CDK17: variants seen among roughly 807,000 people sequenced by gnomAD.
CDK17 encodes cyclin-dependent kinase 17.
CDK17 carries 24 observed loss-of-function variants against 77.6 expected under a neutral mutation model. The ratio of observed to expected loss-of-function variants is 0.31; its 90% CI spans 0.22 to 0.44. The LOEUF is 0.44. Ranked by LOEUF, CDK17 falls within the 20% of genes least tolerant of loss-of-function variation. CDK17 has a pLI of 1.00. For missense variants in CDK17, 429 were observed against 622.5 expected, an observed-to-expected ratio of 0.69 and a Z score of 3.31; for synonymous variants, 203 against 210.4, an observed-to-expected ratio of 0.96 and a Z score of 0.30.
chr12:96,347,622 G>T (rs1031527356), intron 1 of CDK17, among the ~76,000 whole-genome samples: 1 of 28,458 alleles, frequency 3.5e-5, no homozygotes, highest in African/African-American at 1.1e-4. Flanking sequence ...GGAAGGGAGG[G>T]GAAGGGAGGG....
chr12:96,309,132 T>C (rs1952615183), intron 5 of CDK17, among the ~76,000 whole-genome samples: 1 of 152,216 alleles, frequency 6.6e-6, no homozygotes, highest in Non-Finnish European at 1.5e-5. Context: ...TCATTCTGGA[T>C]CTGTCCTGTC....
At chr12:96,315,878 G>A (rs1241279875) in intron 3 of CDK17, among the ~76,000 whole-genome samples, 1 of 152,118 alleles carries the variant, frequency 6.6e-6, no homozygotes, top group Non-Finnish European at 1.5e-5. Flanking sequence ...CCTTCCCACA[G>A]AAAGGCTCAA....
In CDK17 at chr12:96,280,042, C is replaced by T. The variant is rs555799252; in HGVS notation, c.*200G>A. On this transcript the variant is annotated 3_prime_UTR_variant, in exon 17 of 17. Transcript: ENST00000261211. The stretch of plus-strand genomic sequence containing the variant: ...CTAATGGCAGAGAAGACCTTAAAAC[C>T]GACTGTACAAAAAATTGTCACACTG... 4.1e-5 allele frequency: 21 copies of T among 508,096 alleles called. No homozygotes were observed. The highest frequency in any genetic ancestry group is 6.1e-5 in the Non-Finnish European group (18 of 295,906). 31.5% of individuals were successfully genotyped at this position (508,096 alleles called of 1,614,324 possible). A position where few individuals can be genotyped will look rare whatever the true frequency, so the allele number is the denominator to read the frequency against.
At chr12:96,356,960 T>C (rs1021846298) in intron 1 of CDK17, among the ~76,000 whole-genome samples, 1 of 152,228 alleles carries the variant, frequency 6.6e-6, no homozygotes, top group African/African-American at 2.4e-5. Context: ...GATTTGCAGA[T>C]GATAAATCCC....
At chr12:96,379,746 A>C (rs138452010) in intron 1 of CDK17, among the ~76,000 whole-genome samples, 1 of 152,314 alleles carries the variant, frequency 6.6e-6, no homozygotes, top group African/African-American at 2.4e-5. Flanking sequence ...TCTACTATTT[A>C]TATCTCTTAT....
chr12:96,371,706 T>C (rs752671486), intron 1 of CDK17, among the ~76,000 whole-genome samples: 23 of 152,168 alleles, frequency 1.5e-4, no homozygotes, highest in Admixed American at 3.3e-4. Context: ...CACTCCAGCC[T>C]AGGCAACAAG....
Position 96,289,252 on chromosome 12 carries a change from A to G in CDK17, c.1033T>C (p.Tyr345His). Reference protein sequence around the residue: ...ARAKSVPTKTYSNEVVTLWYR... With the variant: ...ARAKSVPTKTHSNEVVTLWYR... ...CATAGTGTGACAACTTCATTTGAGT[A>G]GGTCTTTGTGGGAACTGACTTGGCT... Residue 345 changes from tyrosine (Y) to histidine (H), a missense_variant, in exon 11 of 17, where the codon TAC (tyrosine) becomes CAC (histidine). Around this residue, in one of 4 missense-constraint regions of CDK17, gnomAD observed 51 missense variants for 96.5 expected, o/e 0.53. Transcript: ENST00000261211. The G allele has an allele frequency of 6.2e-7, 1 of 1,613,916 alleles. No homozygotes were observed. Among genetic ancestry groups the G allele is most frequent in the Non-Finnish European group, 8.5e-7 (1 of 1,179,806 alleles).
At chr12:96,356,998 C>T (rs978018537) in intron 1 of CDK17, among the ~76,000 whole-genome samples, 3 of 152,132 alleles carry the variant, frequency 2.0e-5, no homozygotes, top group Non-Finnish European at 4.4e-5. Flanking sequence ...TTTTAAACAG[C>T]TGTTCAGTTT....
chr12:96,334,785 T>TCA lies in CDK17; in HGVS notation c.51_52insTG (p.Ile18Ter). 6.2e-7 allele frequency: 1 copy of TCA among 1,612,194 alleles called. No individual in the cohort carries two copies. Among genetic ancestry groups the TCA allele is most frequent in the Non-Finnish European group, 8.5e-7 (1 of 1,178,430 alleles). ...GCCAATTCAGACAATGATTCATCAA[T>TCA]AGTCTGACTTCCTCGGAGTGTGAGG... On this transcript the variant is annotated frameshift_variant, in exon 2 of 17. Coordinates refer to ENST00000261211, the MANE Select transcript of CDK17 (RefSeq NM_002595.5). LOFTEE classifies it high-confidence loss of function.
intron 10 of CDK17, among the ~76,000 whole-genome samples, chr12:96,289,752 A>C (rs564815543): frequency 6.6e-6 from 1 of 152,328 alleles, no homozygotes. Flanking sequence ...AAAAACTGTA[A>C]AGTTATTGGT....
At chr12:96,357,535 G>C (rs1192371218) in intron 1 of CDK17, among the ~76,000 whole-genome samples, 3 of 152,178 alleles carry the variant, frequency 2.0e-5, no homozygotes, top group South Asian at 2.1e-4. Flanking sequence ...TCTCGGTCGT[G>C]AGTGTGCATA....
At chr12:96,306,746 A>C (rs552286003) in intron 5 of CDK17, among the ~76,000 whole-genome samples, 32 of 152,318 alleles carry the variant, frequency 2.1e-4, no homozygotes, top group African/African-American at 7.2e-4. Flanking sequence ...ATTCTAATAC[A>C]TATAAAAAAA....
intron 6 of CDK17, among the ~76,000 whole-genome samples, chr12:96,299,237 ACT>A (rs1175934670): frequency 2.0e-5 from 3 of 152,206 alleles, no homozygotes; most frequent in Non-Finnish European, 2.9e-5. Context: ...CAGAATATTT[ACT>A]TTTTGTACCT....
At chr12:96,284,966 T>C (rs186142460) in intron 13 of CDK17, among the ~76,000 whole-genome samples, 3 of 152,300 alleles carry the variant, frequency 2.0e-5, no homozygotes, top group Non-Finnish European at 2.9e-5. Flanking sequence ...GGTAACGTTT[T>C]TTTCCAAGTG....
rs372707267 is a variant in CDK17 at position 96,279,197 on chromosome 12, C to G, written c.*1045G>C. ...TAGTATCTCTGGTAAACAGATAATA[C>G]CCACAATAATTTCAAGCAATCCTGT... On this transcript the variant is annotated 3_prime_UTR_variant, in exon 17 of 17. Coordinates refer to ENST00000261211, the MANE Select transcript of CDK17 (RefSeq NM_002595.5). 1 of 152,034 alleles carries G rather than the reference C, an allele frequency of 6.6e-6. No homozygotes were observed. Among genetic ancestry groups the G allele is most frequent in the Non-Finnish European group, 1.5e-5 (1 of 67,970 alleles). 9.4% of individuals were successfully genotyped at this position (152,034 alleles called of 1,614,324 possible).
intron 5 of CDK17, among the ~76,000 whole-genome samples, chr12:96,304,546 A>AAC (rs1952552512): frequency 1.3e-5 from 2 of 151,536 alleles, no homozygotes; most frequent in African/African-American, 4.9e-5. Context: ...AAAAAACAAC[A>AAC]AAAAAGAAAC....
chr12:96,383,280 A>G (rs1383820763), intron 1 of CDK17, among the ~76,000 whole-genome samples: 2 of 152,144 alleles, frequency 1.3e-5, no homozygotes, highest in South Asian at 4.1e-4. Flanking sequence ...ACAAATGTAA[A>G]AACATTCCAT....
chr12:96,386,225 G>A (rs1424680376), intron 1 of CDK17, among the ~76,000 whole-genome samples: 4 of 152,098 alleles, frequency 2.6e-5, no homozygotes, highest in East Asian at 3.9e-4. Context: ...TAAACACCTG[G>A]GCTCAGGTGA....
intron 1 of CDK17, among the ~76,000 whole-genome samples, chr12:96,338,162 T>A (rs1953072051): frequency 6.6e-6 from 1 of 152,170 alleles, no homozygotes; most frequent in Admixed American, 6.6e-5. Flanking sequence ...ATCTAATAGA[T>A]CCACAGTAAT....
Sources: allele counts gnomAD v4.1 joint callset (sites outside exome capture counted in the v4.1 genomes callset), GRCh38; gene constraint gnomAD v4.1.1; regional missense constraint gnomAD v4.1.1; transcripts MANE v1.5; gene names NCBI Gene and HGNC (gene_info 2026-07-23, HGNC 2026-07-21).